Variants in DYSF observed in about 807,000 individuals in gnomAD.
DYSF encodes the protein dysferlin.
Under a neutral mutation model 274.9 loss-of-function variants are expected in DYSF, and 212 were observed. The observed-to-expected ratio is 0.77, with a 90% confidence interval of 0.69 to 0.86. The LOEUF (loss-of-function observed/expected upper bound fraction) is 0.86. Ranked by LOEUF, DYSF falls within the 40% of genes least tolerant of loss-of-function variation. DYSF has a pLI of 0.00. For synonymous variants in DYSF, 1,091 were observed against 1,078.7 expected (o/e 1.01, Z -0.22); for missense variants, 2,666 against 2,783.2 (o/e 0.96, Z 0.95).
chr2:71,590,277 A>G lies in DYSF; in HGVS notation c.3563A>G (p.Asp1188Gly), dbSNP rs1442583354. The change falls in exon 32 of 56, where the codon GAC (aspartate) becomes GGC (glycine). Residue 1188 changes from aspartate to glycine, a missense_variant. Asp to Gly is a moderately conservative substitution (Grantham distance 94). Coordinates refer to ENST00000410020, the MANE Select transcript of DYSF (RefSeq NM_001130987.2). ...CGGGACCTGGCTGCGATGGACAAGG[A>G]CTCTTTTTCTGGTAGGTGGGAGAGA... ...QARDLAAMDK[D>G]SFSDPYAIVS... 6.2e-7 allele frequency: 1 copy of G among 1,613,852 alleles called. No homozygotes were observed. Among genetic ancestry groups the G allele is most frequent in the Non-Finnish European group, 8.5e-7 (1 of 1,179,966 alleles).
chr2:71,676,632 C>CA (rs932304959), intron 52 of DYSF, among the ~76,000 whole-genome samples: 93 of 143,592 alleles, frequency 6.5e-4, no homozygotes, highest in East Asian at 1.8e-3. Context: ...AAAAGAAAAA[C>CA]AAAAAAAAAA....
At chr2:71,492,544 C>A (rs1310558486) in intron 3 of DYSF, among the ~76,000 whole-genome samples, 2 of 152,028 alleles carry the variant, frequency 1.3e-5, no homozygotes, top group Non-Finnish European at 2.9e-5. Flanking sequence ...TACATGGTAA[C>A]CCTTCTGGAA....
chr2:71,580,202 C>G (rs1174260709), intron 30 of DYSF, among the ~76,000 whole-genome samples: 1 of 152,246 alleles, frequency 6.6e-6, no homozygotes, highest in Non-Finnish European at 1.5e-5. Flanking sequence ...AGCCAGGCAG[C>G]TTGGCAGTCC....
chr2:71,570,647 G>C lies in DYSF; in HGVS notation c.3134G>C (p.Trp1045Ser), dbSNP rs142289638. ...TIPPERKPKH[W>S]VPAEKMYYTH... ...CCCCCGGAGCGGAAGCCGAAGCACT[G>C]GGTCCCTGCTGAGAAGATGTACTAC... Residue 1045 changes from tryptophan (W) to serine (S), a missense_variant, in exon 29 of 56, where the codon TGG becomes TCG. By Grantham distance (177) the Trp-to-Ser change is radical. Around this residue, in one of 3 missense-constraint regions of DYSF, gnomAD observed 1,460 missense variants for 1,502.1 expected, o/e 0.97. Coordinates refer to ENST00000410020, the MANE Select transcript of DYSF (RefSeq NM_001130987.2). 3 of 1,613,986 alleles carry C rather than the reference G, an allele frequency of 1.9e-6. No individual in the cohort carries two copies. In the African/African-American group the frequency reaches 4.0e-5, roughly 22 times the overall value.
chr2:71,661,671 A>G (rs1466121528), intron 45 of DYSF, among the ~76,000 whole-genome samples: 1 of 152,180 alleles, frequency 6.6e-6, no homozygotes, highest in Non-Finnish European at 1.5e-5. Flanking sequence ...TTTAGGCCAG[A>G]GAGGGGAGGA....
intron 3 of DYSF, among the ~76,000 whole-genome samples, chr2:71,486,674 A>T (rs1321483820): frequency 6.6e-6 from 1 of 152,176 alleles, no homozygotes; most frequent in Non-Finnish European, 1.5e-5. Context: ...CCATTAACCC[A>T]TGAGAGGGGC....
chr2:71,483,623 A>G (rs1051594625), intron 3 of DYSF, among the ~76,000 whole-genome samples: 1 of 152,202 alleles, frequency 6.6e-6, no homozygotes, highest in African/African-American at 2.4e-5. Flanking sequence ...GAATAGCAGC[A>G]AAGTCACACA....
chr2:71,534,002 G>T (rs565548802), intron 14 of DYSF, among the ~76,000 whole-genome samples: 243 of 151,478 alleles, frequency 1.6e-3, no homozygotes, highest in African/African-American at 5.8e-3. Context: ...TAACACAAGG[G>T]CCAAATCCTG....
At chr2:71,670,745 G>A (rs2095105655) in intron 51 of DYSF, among the ~76,000 whole-genome samples, 1 of 152,198 alleles carries the variant, frequency 6.6e-6, no homozygotes, top group South Asian at 2.1e-4. Flanking sequence ...GTAGGACCAG[G>A]CCTGCCCTCA....
chr2:71,674,297 G>A lies in DYSF; in HGVS notation c.5884+1G>A, dbSNP rs756689063. 6.2e-7 allele frequency: 1 copy of A among 1,614,000 alleles called. No individual in the cohort carries two copies. The highest frequency in any genetic ancestry group is 8.5e-7 in the Non-Finnish European group (1 of 1,179,930). On this transcript the variant is annotated splice_donor_variant, in intron 52 of 55. Coordinates refer to ENST00000410020, the MANE Select transcript of DYSF (RefSeq NM_001130987.2). LOFTEE classifies it high-confidence loss of function. ...AAGTTCTCCTTTGATGATTTTCTGG[G>A]TAAGCGCTATTGCTAGAATCCCATT...
intron 3 of DYSF, among the ~76,000 whole-genome samples, chr2:71,497,168 CA>C (rs1278387782): frequency 1.3e-5 from 2 of 152,210 alleles, no homozygotes; most frequent in Non-Finnish European, 2.9e-5. Context: ...TTTATCAAGA[CA>C]GGGGAATTGC....
chr2:71,491,918 T>C (rs2152697906), intron 3 of DYSF, among the ~76,000 whole-genome samples: 1 of 152,242 alleles, frequency 6.6e-6, no homozygotes, highest in East Asian at 1.9e-4. Flanking sequence ...CGGTTTGCTG[T>C]GTTAGAAGTT....
At chr2:71,511,650 A>G (rs993015865) in intron 4 of DYSF, among the ~76,000 whole-genome samples, 157 bp from the exon 5 acceptor site, 6 of 152,194 alleles carry the variant, frequency 3.9e-5, no homozygotes, top group African/African-American at 1.4e-4. Flanking sequence ...CTATGCTGAT[A>G]GGTCCCTTGG....
chr2:71,643,750 C>G (rs1467306139), intron 41 of DYSF, among the ~76,000 whole-genome samples: 1 of 152,214 alleles, frequency 6.6e-6, no homozygotes, highest in Non-Finnish European at 1.5e-5. Context: ...GAGCCTCCGC[C>G]TCTCAACACC....
At chr2:71,654,037 C>T (rs1237199606) in intron 42 of DYSF, among the ~76,000 whole-genome samples, 1 of 152,032 alleles carries the variant, frequency 6.6e-6, no homozygotes, top group African/African-American at 2.4e-5. Flanking sequence ...CCTTTATATA[C>T]CAAGAAGTCT....
intron 46 of DYSF, 56 bp downstream of exon 46, chr2:71,664,494 C>T: frequency 6.2e-7 from 1 of 1,601,618 alleles, no homozygotes; most frequent in East Asian, 2.2e-5. Flanking sequence ...CCCCTGTCTT[C>T]TCTGACAACA....
chr2:71,610,907 G>A (rs750799960), intron 36 of DYSF: 11 of 384,158 alleles, frequency 2.9e-5, no homozygotes, highest in South Asian at 1.1e-4. Context: ...GTGTGTGCAC[G>A]CATATGCTGT....
chr2:71,537,632 C>G (rs75751107), intron 16 of DYSF, among the ~76,000 whole-genome samples: 1 of 152,016 alleles, frequency 6.6e-6, no homozygotes, highest in African/African-American at 2.4e-5. Flanking sequence ...GTAGTGCCGG[C>G]GATGGAAAAC....
At chr2:71,631,491 TGATTAGGGA>T (rs1392089498) in intron 41 of DYSF, among the ~76,000 whole-genome samples, 1 of 152,196 alleles carries the variant, frequency 6.6e-6, no homozygotes, top group African/African-American at 2.4e-5. Context: ...CTATTAGTTC[TGATTAGGGA>T]GGTTTGATGC....
Sources: allele counts gnomAD v4.1 joint callset (sites outside exome capture counted in the v4.1 genomes callset), GRCh38; gene constraint gnomAD v4.1.1; regional missense constraint gnomAD v4.1.1; transcripts MANE v1.5; gene names NCBI Gene and HGNC (gene_info 2026-07-23, HGNC 2026-07-21).